KCNIP4: variants seen among roughly 807,000 people sequenced by gnomAD.
KCNIP4 encodes the protein Kv channel-interacting protein 4.
In KCNIP4, 12 loss-of-function variants were observed where a neutral mutation model predicts 34.0. That is an observed-to-expected ratio of 0.35 (90% CI 0.23 to 0.57). The LOEUF is 0.57. Ranked by LOEUF, KCNIP4 falls within the 20% of genes least tolerant of loss-of-function variation. KCNIP4 has a pLI of 0.83. For synonymous variants in KCNIP4, 124 were observed against 102.2 expected (o/e 1.21, Z -1.29); for missense variants, 238 against 311.7 (o/e 0.76, Z 1.78).
At chr4:20,939,498 T>C (rs1035937167) in intron 1 of KCNIP4, among the ~76,000 whole-genome samples, 1 of 152,004 alleles carries the variant, frequency 6.6e-6, no homozygotes, top group Non-Finnish European at 1.5e-5. Context: ...CTCAGTCTCC[T>C]GAGTATCTGG....
chr4:20,889,921 G>A (rs1560545708), intron 1 of KCNIP4, among the ~76,000 whole-genome samples: 1 of 151,862 alleles, frequency 6.6e-6, no homozygotes, highest in Non-Finnish European at 1.5e-5. Context: ...ATAAATATTT[G>A]TCCAAAAAGC....
intron 1 of KCNIP4, among the ~76,000 whole-genome samples, chr4:20,899,166 G>C (rs73242552): frequency 2.0e-5 from 3 of 152,290 alleles, no homozygotes; most frequent in Non-Finnish European, 4.4e-5. Context: ...TGTGGGTTCA[G>C]AATAAATTGT....
rs535177692 is a variant in KCNIP4, at chr4:21,859,762, C to T, written c.61+88809G>A. 9.1e-4 allele frequency among the ~76,000 whole-genome samples: 138 copies of T among 152,306 alleles called. 1 individual carries two copies. Among genetic ancestry groups the T allele is most frequent in the African/African-American group, 3.2e-3 (132 of 41,572 alleles). On this transcript the variant is annotated intron_variant, in intron 1 of 8. Coordinates refer to ENST00000382152, the MANE Select transcript of KCNIP4 (RefSeq NM_025221.6). ...AAATTGATTCAGAAGGGAGTGGCGG[C>T]TCATGCCTGTAATCCCAGCACTTTG...
At chr4:21,021,159 T>C (rs1420763351) in intron 1 of KCNIP4, among the ~76,000 whole-genome samples, 21 of 152,294 alleles carry the variant, frequency 1.4e-4, no homozygotes. Context: ...TGACACAATT[T>C]TAAGTATTTG....
At chr4:21,119,883 G>C (rs569464827) in intron 1 of KCNIP4, among the ~76,000 whole-genome samples, 1 of 152,296 alleles carries the variant, frequency 6.6e-6, no homozygotes, top group South Asian at 2.1e-4. Context: ...ACTAAGTGTT[G>C]TCTTTCAATG....
At chr4:20,749,608 T>G (rs369759324) in intron 5 of KCNIP4, 54 bp downstream of exon 5, 31 of 1,276,514 alleles carry the variant, frequency 2.4e-5, no homozygotes, top group Middle Eastern at 2.3e-4. Flanking sequence ...ATTTTCCCCC[T>G]AAAAAGACTA....
chr4:20,934,231 C>T (rs1034613474), intron 1 of KCNIP4, among the ~76,000 whole-genome samples: 29 of 152,086 alleles, frequency 1.9e-4, no homozygotes, highest in African/African-American at 5.1e-4. Context: ...CATAAACACA[C>T]GTACCCACAT....
intron 1 of KCNIP4, among the ~76,000 whole-genome samples, chr4:21,600,537 C>A (rs562691968): frequency 6.6e-6 from 1 of 151,376 alleles, no homozygotes. Flanking sequence ...AATAGATTAG[C>A]GTAAACTATA....
chr4:21,478,737 G>A (rs1418603094), intron 1 of KCNIP4, among the ~76,000 whole-genome samples: 5 of 152,074 alleles, frequency 3.3e-5, no homozygotes, highest in African/African-American at 4.8e-5. Context: ...TATAAATTTC[G>A]GAATAGGTTT....
chr4:21,265,350 G>A (rs540092756), intron 1 of KCNIP4, among the ~76,000 whole-genome samples: 1 of 152,162 alleles, frequency 6.6e-6, no homozygotes, highest in Non-Finnish European at 1.5e-5. Flanking sequence ...TAAGGGCCTT[G>A]GGAAGCAATA....
chr4:21,041,188 T>A (rs1268151546), intron 1 of KCNIP4, among the ~76,000 whole-genome samples: 1 of 151,708 alleles, frequency 6.6e-6, no homozygotes, highest in Non-Finnish European at 1.5e-5. Flanking sequence ...GCATGTGACA[T>A]GTGGTAGAGA....
At chr4:21,346,290 T>TATAA (rs1309316485) in intron 1 of KCNIP4, among the ~76,000 whole-genome samples, 1 of 85,314 alleles carries the variant, frequency 1.2e-5, no homozygotes, top group Non-Finnish European at 2.5e-5. Flanking sequence ...TATATTCACA[T>TATAA]TTGTATATAT....
chr4:20,778,003 T>C (rs1756525287), intron 3 of KCNIP4, among the ~76,000 whole-genome samples: 1 of 152,076 alleles, frequency 6.6e-6, no homozygotes, highest in Non-Finnish European at 1.5e-5. Context: ...AAGACCAGGA[T>C]AAAGTAGACA....
intron 1 of KCNIP4, among the ~76,000 whole-genome samples, chr4:21,180,067 A>G (rs1041305029): frequency 6.6e-6 from 1 of 152,216 alleles, no homozygotes. Flanking sequence ...CTGCTAAGAA[A>G]TGAAGTACTC....
intron 1 of KCNIP4, among the ~76,000 whole-genome samples, chr4:21,854,457 C>T (rs918018923): frequency 1.3e-5 from 2 of 152,122 alleles, no homozygotes; most frequent in Admixed American, 1.3e-4. Flanking sequence ...ACTTAATCAT[C>T]CCCAAATCTA....
chr4:21,866,126 A>G (rs992050475), intron 1 of KCNIP4, among the ~76,000 whole-genome samples: 1 of 152,132 alleles, frequency 6.6e-6, no homozygotes, highest in South Asian at 2.1e-4. Flanking sequence ...TTGCATTCCT[A>G]TGGCTTGGTA....
chr4:21,450,181 C>T (rs1246195114), intron 1 of KCNIP4, among the ~76,000 whole-genome samples: 1 of 152,092 alleles, frequency 6.6e-6, no homozygotes, highest in East Asian at 1.9e-4. Flanking sequence ...AAAATACTCT[C>T]TCATTATACA....
In KCNIP4 at chr4:21,312,748, G is replaced by A. The variant is rs80339947; in HGVS notation, c.62-430039C>T. 6.0e-3 allele frequency among the ~76,000 whole-genome samples: 909 copies of A among 152,202 alleles called. 10 individuals are homozygous for A. Among genetic ancestry groups the A allele is most frequent in the African/African-American group, 0.021 (882 of 41,518 alleles). ...CATGACAACTTTCTCTCATCAATGA[G>A]CTTTAGATACCAACTTTAGTAGAGA... On this transcript the variant is annotated intron_variant, in intron 1 of 8. Coordinates refer to ENST00000382152, the MANE Select transcript of KCNIP4 (RefSeq NM_025221.6).
chr4:21,475,722 G>A (rs1730894959), intron 1 of KCNIP4, among the ~76,000 whole-genome samples: 2 of 152,216 alleles, frequency 1.3e-5, no homozygotes, highest in South Asian at 4.1e-4. Context: ...AGAGATGAAA[G>A]CTTTGTGAAA....
Sources: gnomAD v4.1 joint callset for allele counts (sites outside exome capture counted in the v4.1 genomes callset) on GRCh38, gnomAD v4.1.1 for gene constraint, MANE v1.5 for transcripts, NCBI Gene and HGNC (gene_info 2026-07-23, HGNC 2026-07-21) for gene names.